Variants in CEP63 observed in about 807,000 individuals in gnomAD.
CEP63 encodes centrosomal protein of 63 kDa.
A neutral mutation model predicts 89.1 loss-of-function variants in CEP63; 84 were observed. The ratio of observed to expected loss-of-function variants is 0.94; its 90% CI spans 0.79 to 1.13. The LOEUF is 1.13. CEP63 is among the 50% of genes most tolerant of loss of function. The pLI, the probability that CEP63 is intolerant of heterozygous loss-of-function variation, is 0.00. For missense variants in CEP63, 838 were observed against 813.3 expected (o/e 1.03, Z -0.37); for synonymous variants, 267 against 272.5 (o/e 0.98, Z 0.20).
chr3:134,608,204 G>A, the CEP63 span: 1 of 1,184,392 alleles, frequency 8.4e-7, no homozygotes, highest in South Asian at 1.6e-5. Flanking sequence ...AACACAGCAG[G>A]CCAGTAGCTT....
At chr3:134,701,052 G>C in the CEP63 span, among the ~76,000 whole-genome samples, 1 of 151,252 alleles carries the variant, frequency 6.6e-6, no homozygotes, top group Admixed American at 6.6e-5. Context: ...GTGTCATTTT[G>C]TTGGGGTTTG....
the CEP63 span, among the ~76,000 whole-genome samples, chr3:134,611,068 G>A: frequency 3.3e-5 from 5 of 152,198 alleles, no homozygotes; most frequent in Non-Finnish European, 7.3e-5. Flanking sequence ...TGTGAACATG[G>A]TGCAAGAGCC....
chr3:134,510,141 G>T (rs1944491478), intron 3 of CEP63, among the ~76,000 whole-genome samples: 1 of 152,198 alleles, frequency 6.6e-6, no homozygotes, highest in Non-Finnish European at 1.5e-5. Flanking sequence ...TTGTCAGTAT[G>T]CTAGGGAGGG....
the CEP63 span, among the ~76,000 whole-genome samples, chr3:134,657,979 C>T: frequency 6.6e-6 from 1 of 152,220 alleles, no homozygotes; most frequent in Non-Finnish European, 1.5e-5. Context: ...TCACTGCAAC[C>T]TCTGCCTCCC....
chr3:134,693,194 C>T, the CEP63 span, among the ~76,000 whole-genome samples: 1 of 151,922 alleles, frequency 6.6e-6, no homozygotes, highest in African/African-American at 2.4e-5. Context: ...TTGGGTGGGG[C>T]TCCTAGGGAA....
At chr3:134,558,426 T>A in intron 13 of CEP63, 79 bp downstream of exon 13, 1 of 1,017,240 alleles carries the variant, frequency 9.8e-7, no homozygotes, top group Non-Finnish European at 1.5e-6. Context: ...ATTTTTGACT[T>A]ACAGAAATTA....
the CEP63 span, among the ~76,000 whole-genome samples, chr3:134,664,463 T>C: frequency 6.6e-6 from 1 of 151,988 alleles, no homozygotes; most frequent in African/African-American, 2.4e-5. Context: ...ACTCGGGGCT[T>C]CTCTGGCATT....
intron 6 of CEP63, among the ~76,000 whole-genome samples, chr3:134,537,998 C>T (rs978071730): frequency 6.6e-6 from 1 of 152,158 alleles, no homozygotes; most frequent in Non-Finnish European, 1.5e-5. Context: ...ATATTCAGCT[C>T]ATTCCTTTTT....
chr3:134,575,217 C>G (rs1488239518), downstream of CEP63, among the ~76,000 whole-genome samples: 1 of 10,992 alleles, frequency 9.1e-5, no homozygotes, highest in Non-Finnish European at 2.2e-4. Flanking sequence ...CTCCCTCCCT[C>G]CCTCCCTCCC....
chr3:134,766,175 G>C, the CEP63 span, among the ~76,000 whole-genome samples: 4 of 152,198 alleles, frequency 2.6e-5, no homozygotes, highest in Non-Finnish European at 5.9e-5. Context: ...TGGGTGCAGG[G>C]CCTTGCCATT....
the CEP63 span, among the ~76,000 whole-genome samples, chr3:134,733,037 T>C: frequency 2.0e-5 from 3 of 152,200 alleles, no homozygotes. Flanking sequence ...ATTAGCACAA[T>C]GTTATAGGAG....
the CEP63 span, among the ~76,000 whole-genome samples, chr3:134,642,553 G>C: frequency 1.3e-5 from 2 of 152,054 alleles, no homozygotes; most frequent in Non-Finnish European, 2.9e-5. Flanking sequence ...TGATGCCCTT[G>C]CCTGCCTTCC....
At chr3:134,781,450 T>G in the CEP63 span, among the ~76,000 whole-genome samples, 1 of 152,238 alleles carries the variant, frequency 6.6e-6, no homozygotes, top group Non-Finnish European at 1.5e-5. Flanking sequence ...TAAAATGCTG[T>G]ATTATTCATG....
At chr3:134,581,061 C>T (rs1958333711) in intron 10 of CEP63, among the ~76,000 whole-genome samples, 1 of 145,966 alleles carries the variant, frequency 6.9e-6, no homozygotes, top group African/African-American at 2.5e-5. Context: ...GGATGGGGGC[C>T]ATGAGCCAAG....
At chr3:134,585,668 G>A (rs952163277) in intron 10 of CEP63, among the ~76,000 whole-genome samples, 2 of 151,244 alleles carry the variant, frequency 1.3e-5, no homozygotes, top group African/African-American at 2.4e-5. Flanking sequence ...TGTATATTCT[G>A]TTGATTTGGG....
the CEP63 span, among the ~76,000 whole-genome samples, chr3:134,660,019 G>T: frequency 6.6e-6 from 1 of 152,252 alleles, no homozygotes; most frequent in African/African-American, 2.4e-5. Flanking sequence ...AATAAGCCGC[G>T]GTCCTTATTA....
At chr3:134,747,147 C>T in the CEP63 span, among the ~76,000 whole-genome samples, 1 of 152,162 alleles carries the variant, frequency 6.6e-6, no homozygotes, top group Non-Finnish European at 1.5e-5. Flanking sequence ...ATATGACTAG[C>T]CAGTTTTCCC....
intron 5 of CEP63, 42 bp from the exon 6 acceptor site, chr3:134,537,113 G>A: frequency 8.3e-7 from 1 of 1,203,812 alleles, no homozygotes; most frequent in Non-Finnish European, 1.2e-6. Context: ...GTGACAGTGA[G>A]GAGAAGCACT....
chr3:134,744,460 G>A, the CEP63 span, among the ~76,000 whole-genome samples: 44 of 152,324 alleles, frequency 2.9e-4, no homozygotes, highest in African/African-American at 9.9e-4. Flanking sequence ...AATTTGGGAA[G>A]AAGCATTCCA....
Sources: gnomAD v4.1 joint callset for allele counts (sites outside exome capture counted in the v4.1 genomes callset) on GRCh38, gnomAD v4.1.1 for gene constraint, MANE v1.5 for transcripts, NCBI Gene and HGNC (gene_info 2026-07-23, HGNC 2026-07-21) for gene names.